The following MAX variants were observed in gnomAD, a reference collection of about 807,000 sequenced individuals.
MAX encodes MYC associated transcriptional regulator X.
A neutral mutation model predicts 22.3 loss-of-function variants in MAX; 3 were observed. The observed-to-expected ratio is 0.13, with a 90% confidence interval of 0.06 to 0.35. MAX has a LOEUF of 0.35. Ranked by LOEUF, MAX falls within the 10% of genes least tolerant of loss-of-function variation. MAX has a pLI of 1.00. For synonymous variants in MAX, 72 were observed against 77.7 expected (o/e 0.93, Z 0.39); for missense variants, 119 against 209.4 (o/e 0.57, Z 2.66).
chr14:65,012,303 G>C lies in MAX; in HGVS notation c.172-6019C>G. The C allele has an allele frequency of 1.9e-6, 3 of 1,613,910 alleles. No individual in the cohort carries two copies. Among genetic ancestry groups the C allele is most frequent in the Non-Finnish European group, 2.5e-6 (3 of 1,179,862 alleles). ...AGCTATTAGAATGGGCTTATAAACTGTTTGTCTTTCCAGGCTTGTTTTGCA... is the reference window on the plus strand; with the variant it reads ...AGCTATTAGAATGGGCTTATAAACTCTTTGTCTTTCCAGGCTTGTTTTGCA... On this transcript the variant is annotated intron_variant, in intron 3 of 3. Coordinates refer to the MAX transcript ENST00000341653. This position sits in a 1 kb window ranked among gnomAD's most constrained non-coding sequence, Gnocchi z 5.0.
rs1287285853 is a variant in MAX at position 65,007,169 on chromosome 14, A to G, written c.172-885T>C. ...TATAAGGCTGAAGGCAAACATCACC[A>G]TCATAGAATAAGCGAGGATATAAGA... On this transcript the variant is annotated intron_variant, in intron 3 of 3. Transcript: ENST00000341653. This position sits in a 1 kb window ranked among gnomAD's most constrained non-coding sequence, Gnocchi z 4.9. 6.6e-6 allele frequency among the ~76,000 whole-genome samples: 1 copy of G among 152,234 alleles called. No homozygotes were observed. Among genetic ancestry groups the G allele is most frequent in the Non-Finnish European group, 1.5e-5 (1 of 68,034 alleles).
At chr14:65,048,039 G>A (rs2062522669) in intron 3 of MAX, among the ~76,000 whole-genome samples, 1 of 131,654 alleles carries the variant, frequency 7.6e-6, no homozygotes, top group Non-Finnish European at 1.5e-5. Context: ...TGAGGCTGGA[G>A]TGCAGTGGTG....
At chr14:65,097,906 G>A (rs1434489218) in intron 2 of MAX, among the ~76,000 whole-genome samples, 1 of 152,164 alleles carries the variant, frequency 6.6e-6, no homozygotes, top group Non-Finnish European at 1.5e-5. Context: ...CCTGCTTGTA[G>A]CTGATTGCCT....
intron 3 of MAX, chr14:65,061,062 GT>G: frequency 6.7e-7 from 1 of 1,492,448 alleles, no homozygotes; most frequent in South Asian, 1.3e-5. Context: ...TTTGGGCTTT[GT>G]GTGTATCTCT....
chr14:65,051,856 G>A (rs1018791574), intron 3 of MAX, among the ~76,000 whole-genome samples: 7 of 148,952 alleles, frequency 4.7e-5, no homozygotes, highest in African/African-American at 1.7e-4. Context: ...GTGCAGTGGT[G>A]TGATCTCAGC....
chr14:65,059,837 C>CTTTTT (rs34459085), intron 3 of MAX, among the ~76,000 whole-genome samples: 1 of 134,240 alleles, frequency 7.4e-6, no homozygotes, highest in African/African-American at 2.8e-5. Flanking sequence ...GTCCTTTTTT[C>CTTTTT]TTTTTTTTTT....
At position 65,062,380 on chromosome 14, in the gene MAX, G is replaced by A. The variant is rs1012091586; in HGVS notation, c.171+31328C>T. The A allele has an allele frequency of 1.3e-5, 2 of 152,594 alleles. No individual in the cohort carries two copies. The highest frequency in any genetic ancestry group is 2.4e-5 in the African/African-American group (1 of 41,474). 9.5% of individuals were successfully genotyped at this position (152,594 alleles called of 1,614,324 possible). On this transcript the variant is annotated intron_variant, in intron 3 of 3. Transcript: ENST00000341653. This position sits in a 1 kb window ranked among gnomAD's most constrained non-coding sequence, Gnocchi z 4.3. ...AGCCTCTGTAGCTGGTGGTGGCAGCGTGGGGTGCCGCCCAGCGTGCTGGGT... is the reference window on the plus strand; with the variant it reads ...AGCCTCTGTAGCTGGTGGTGGCAGCATGGGGTGCCGCCCAGCGTGCTGGGT...
chr14:65,068,401 C>A (rs2062953197), intron 3 of MAX, among the ~76,000 whole-genome samples: 1 of 152,160 alleles, frequency 6.6e-6, no homozygotes, highest in Admixed American at 6.5e-5. Context: ...TGCCACTGCA[C>A]TCCAACCTGG....
In MAX at chr14:65,076,843, G is replaced by C; in HGVS notation, c.296-180C>G. 1 of 691,400 alleles carries C rather than the reference G, an allele frequency of 1.4e-6. No homozygotes were observed. The highest frequency in any genetic ancestry group is 2.6e-6 in the Non-Finnish European group (1 of 387,184). 42.8% of individuals were successfully genotyped at this position (691,400 alleles called of 1,614,324 possible). On this transcript the variant is annotated intron_variant, in intron 4 of 4. Transcript: ENST00000358664. The surrounding 1 kb of genome is among the most constrained non-coding windows in gnomAD (Gnocchi z 6.6). ...CACTCACACACTTCATTTCCCTCCC[G>C]CCTTTCCCAGCTGGACCTGGGAGCC...
chr14:65,037,726 C>CTTAT (rs202087492), intron 3 of MAX, among the ~76,000 whole-genome samples: 1,794 of 117,370 alleles, frequency 0.015, 72 homozygotes, highest in Non-Finnish European at 0.016. Context: ...TGCCCAGCCT[C>CTTAT]TTATTTATTT....
At chr14:65,101,627 A>T in intron 1 of MAX, 55 bp from the exon 2 acceptor site, 1 of 1,305,834 alleles carries the variant, frequency 7.7e-7, no homozygotes. Context: ...TTTTACACTT[A>T]ACATTCAATA....
chr14:65,067,307 T>C (rs112821613), intron 3 of MAX, among the ~76,000 whole-genome samples: 5 of 152,168 alleles, frequency 3.3e-5, no homozygotes, highest in African/African-American at 1.2e-4. Context: ...CCTATTAACA[T>C]CTTCCACTAA....
At position 65,093,414 on chromosome 14, in the gene MAX, A is replaced by G. The variant is rs2063570022; in HGVS notation, c.171+294T>C. On this transcript the variant is annotated intron_variant, in intron 3 of 4. Coordinates refer to ENST00000358664, the MANE Select transcript of MAX (RefSeq NM_002382.5). The surrounding 1 kb of genome is among the most constrained non-coding windows in gnomAD (Gnocchi z 4.4). ...CCAAACGAACTCTTGGCCACTCTTT[A>G]TACTATAGTGTATAGTTATAATTTC... 1 of 407,632 alleles carries G rather than the reference A, an allele frequency of 2.5e-6. No individual in the cohort carries two copies. The highest frequency in any genetic ancestry group is 2.0e-5 in the African/African-American group (1 of 49,068). The allele number at this position is 407,632 out of a possible 1,614,324, so 25.3% of individuals were successfully genotyped here. A position where few individuals can be genotyped will look rare whatever the true frequency, so the allele number is the denominator to read the frequency against.
Position 65,044,216 on chromosome 14 carries a change from ACC to A in MAX, c.172-37934_172-37933del, listed in dbSNP as rs1275953250. On this transcript the variant is annotated intron_variant, in intron 3 of 3. Transcript: ENST00000341653. The surrounding 1 kb of genome is among the most constrained non-coding windows in gnomAD (Gnocchi z 5.5). ...GTGCCAAGAAGCCACAAGATGGGAAACCCTCCATCCCACAGATTGACTCCTGG... is the reference window on the plus strand; with the variant it reads ...GTGCCAAGAAGCCACAAGATGGGAAACTCCATCCCACAGATTGACTCCTGG... The A allele has an allele frequency of 3.8e-6, 6 of 1,586,036 alleles. No homozygotes were observed. The Admixed American group carries it at 1.2e-4, about 31-fold the overall frequency.
chr14:65,079,172 C>T lies in MAX; in HGVS notation c.172-1136G>A, dbSNP rs1235115742. Among the ~76,000 whole-genome samples the T allele has an allele frequency of 6.6e-6, 1 of 152,204 alleles. No homozygotes were observed. Among genetic ancestry groups the T allele is most frequent in the African/African-American group, 2.4e-5 (1 of 41,444 alleles). ...GGGTACAATGTGTTTCATCAAGACCCAAGATTCCAGCCAAACTCTGAAACC... is the reference window on the plus strand; with the variant it reads ...GGGTACAATGTGTTTCATCAAGACCTAAGATTCCAGCCAAACTCTGAAACC... On this transcript the variant is annotated intron_variant, in intron 3 of 4. Coordinates refer to ENST00000358664, the MANE Select transcript of MAX (RefSeq NM_002382.5). The surrounding 1 kb of genome is among the most constrained non-coding windows in gnomAD (Gnocchi z 4.5).
At chr14:65,006,274 A>G (rs1299805897) in exon 4 of MAX, 4 of 1,612,810 alleles carry the variant, frequency 2.5e-6, no homozygotes, top group Non-Finnish European at 3.4e-6. Flanking sequence ...GGTTAACTTC[A>G]TCTTTGTTCC....
At chr14:65,067,478 C>G (rs576177059) in intron 3 of MAX, among the ~76,000 whole-genome samples, 1 of 152,286 alleles carries the variant, frequency 6.6e-6, no homozygotes, top group South Asian at 2.1e-4. Flanking sequence ...CTCATGTCTC[C>G]TTAGACTCCT....
In MAX at chr14:65,069,906, A is replaced by G. The variant is rs550475428; in HGVS notation, c.171+23802T>C. Among the ~76,000 whole-genome samples the G allele has an allele frequency of 3.9e-5, 6 of 152,316 alleles. No individual in the cohort carries two copies. Among genetic ancestry groups the G allele is most frequent in the African/African-American group, 1.2e-4 (5 of 41,566 alleles). On this transcript the variant is annotated intron_variant, in intron 3 of 3. Transcript: ENST00000341653. This position sits in a 1 kb window ranked among gnomAD's most constrained non-coding sequence, Gnocchi z 4.6. ...AGTAGGTATTCGCTGTGGACATGAC[A>G]TTCCTCCTCTTAGCTGGCTGGTCTT...
At chr14:65,006,186 T>C in exon 4 of MAX, 1 of 1,607,156 alleles carries the variant, frequency 6.2e-7, no homozygotes, top group Non-Finnish European at 8.5e-7. Flanking sequence ...CACCATTTCC[T>C]TAAGAAACTT....
Sources: gnomAD v4.1 joint callset for allele counts (sites outside exome capture counted in the v4.1 genomes callset) on GRCh38, gnomAD v4.1.1 for gene constraint, Gnocchi (gnomAD v3.1) non-coding constraint, MANE v1.5 for transcripts, NCBI Gene and HGNC (gene_info 2026-07-23, HGNC 2026-07-21) for gene names.